Variants in FIBCD1 observed in about 807,000 individuals in gnomAD.
FIBCD1 encodes fibrinogen C domain containing 1.
A neutral mutation model predicts 45.1 loss-of-function variants in FIBCD1; 47 were observed. The observed-to-expected ratio is 1.04, with a 90% confidence interval of 0.82 to 1.33. The LOEUF (loss-of-function observed/expected upper bound fraction) is 1.33. Among genes scored for constraint, FIBCD1 ranks in the 40% most tolerant of loss-of-function variants. The pLI is 0.00. For synonymous variants in FIBCD1, 313 were observed against 308.1 expected, an observed-to-expected ratio of 1.02 and a Z score of -0.17; for missense variants, 653 against 682.2, an observed-to-expected ratio of 0.96 and a Z score of 0.48.
chr9:130,904,344 GT>G, intron 6 of FIBCD1, 21 bp from the exon 7 acceptor site: 2 of 1,584,704 alleles, frequency 1.3e-6, no homozygotes, highest in Non-Finnish European at 1.7e-6. Flanking sequence ...GTGCACACAG[GT>G]GTGGGCACGG....
At chr9:130,923,307 G>A (rs1198607460) in intron 4 of FIBCD1, among the ~76,000 whole-genome samples, 4 of 152,170 alleles carry the variant, frequency 2.6e-5, no homozygotes. Context: ...GGGGGTCTCT[G>A]CTCCTCCAGC....
At chr9:130,920,945 A>G (rs1008855605) in intron 4 of FIBCD1, among the ~76,000 whole-genome samples, 1 of 152,190 alleles carries the variant, frequency 6.6e-6, no homozygotes, top group Non-Finnish European at 1.5e-5. Context: ...GAACACAAGA[A>G]TGAGCGTGTG....
chr9:130,930,876 T>C, intron 1 of FIBCD1: 1 of 450,736 alleles, frequency 2.2e-6, no homozygotes, highest in Non-Finnish European at 4.5e-6. Context: ...GCAGCGATGC[T>C]ATAGATGGTC....
chr9:130,910,019 G>T (rs998628693), intron 5 of FIBCD1, among the ~76,000 whole-genome samples: 26 of 152,222 alleles, frequency 1.7e-4, no homozygotes, highest in African/African-American at 6.3e-4. Context: ...CCACTTTGGC[G>T]GCACTTGAGG....
intron 1 of FIBCD1, among the ~76,000 whole-genome samples, chr9:130,933,331 C>T (rs547197733): frequency 2.6e-5 from 4 of 152,186 alleles, no homozygotes; most frequent in African/African-American, 9.7e-5. Context: ...CTGATTCATC[C>T]GTCCTGGTGT....
At chr9:130,915,711 A>T (rs1832147233) in intron 4 of FIBCD1, among the ~76,000 whole-genome samples, 1 of 149,844 alleles carries the variant, frequency 6.7e-6, no homozygotes, top group Admixed American at 6.6e-5. Context: ...TCAAAAAAAT[A>T]AAAAAATAAA....
upstream of FIBCD1, chr9:130,939,294 C>A (rs893977813): frequency 4.5e-4 from 69 of 152,252 alleles, no homozygotes; most frequent in African/African-American, 1.6e-3. Context: ...CGCGGCGCTC[C>A]TTCCGGCTCC....
At chr9:130,920,027 T>G (rs1189556915) in intron 4 of FIBCD1, among the ~76,000 whole-genome samples, 3 of 143,292 alleles carry the variant, frequency 2.1e-5, no homozygotes, top group African/African-American at 7.8e-5. Context: ...GGGGCCCTCC[T>G]TCCGCCCACC....
intron 6 of FIBCD1, among the ~76,000 whole-genome samples, chr9:130,904,632 G>A (rs905453590): frequency 4.0e-5 from 6 of 150,008 alleles, no homozygotes; most frequent in South Asian, 4.3e-4. Context: ...CCCGCTCCTC[G>A]GCCTGAGAGG....
chr9:130,904,078 G>A lies in FIBCD1; in HGVS notation c.1372C>T (p.Arg458Trp), dbSNP rs377424705. Residue 458 changes from arginine (R) to tryptophan (W), a missense_variant, in exon 7 of 7, where the codon CGG becomes TGG. Arg to Trp is a moderately radical substitution (Grantham distance 101). Transcript: ENST00000372338. ...GGTGCACCAGTCTAGCGGTCCTCCC[G>A]GACCGGCCGGATCTTCATCTCAGAG... Reference protein sequence around the residue: ...KFSEMKIRPVREDR With the variant: ...KFSEMKIRPVWEDR The A allele has an allele frequency of 7.4e-5, 119 of 1,611,988 alleles. 1 individual carries two copies. The South Asian group carries it at 7.5e-4, about 10-fold the overall frequency.
intron 1 of FIBCD1, among the ~76,000 whole-genome samples, chr9:130,937,750 G>A (rs527775265): frequency 3.3e-5 from 5 of 152,250 alleles, no homozygotes; most frequent in Non-Finnish European, 7.4e-5. Flanking sequence ...GCTCCCCTCC[G>A]CCTTGGCTTC....
Position 130,926,700 on chromosome 9 carries a change from T to C in FIBCD1, c.553-2304A>G, listed in dbSNP as rs1832368267. On this transcript the variant is annotated intron_variant, in intron 2 of 6. Coordinates refer to ENST00000372338, the MANE Select transcript of FIBCD1 (RefSeq NM_032843.5). This position sits in a 1 kb window ranked among gnomAD's most constrained non-coding sequence, Gnocchi z 4.1. The stretch of plus-strand genomic sequence containing the variant: ...AGCCGGGCGTGGTGGCGGGCGCCTG[T>C]AGTCCCAGCTACTCAGGAGGCTGAG... Among the ~76,000 whole-genome samples the C allele has an allele frequency of 6.6e-6, 1 of 152,110 alleles. No individual in the cohort carries two copies. The highest frequency in any genetic ancestry group is 2.4e-5 in the African/African-American group (1 of 41,394).
chr9:130,931,325 A>C (rs1832445607), intron 1 of FIBCD1, among the ~76,000 whole-genome samples: 2 of 152,064 alleles, frequency 1.3e-5, no homozygotes, highest in African/African-American at 4.8e-5. Context: ...CTGGCCAACA[A>C]GGTGAAACCC....
rs373613382 is a variant in FIBCD1 at position 130,912,388 on chromosome 9, C to T, written c.850-500G>A. On this transcript the variant is annotated intron_variant, in intron 4 of 6. Transcript: ENST00000372338. Reference sequence around the variant, plus strand: ...GCCACTGTACTCCAGCCTGGGCTCTCTCTCAAAAAAAAAAAAAAAAAAAAA... The same window carrying T: ...GCCACTGTACTCCAGCCTGGGCTCTTTCTCAAAAAAAAAAAAAAAAAAAAA... Among the ~76,000 whole-genome samples, 227 of 97,648 alleles carry T rather than the reference C, an allele frequency of 2.3e-3. 1 individual carries two copies. The highest frequency in any genetic ancestry group is 9.8e-3 in the African/African-American group (220 of 22,456). 64.1% of individuals were successfully genotyped at this position (97,648 alleles called of 152,430 possible).
chr9:130,907,587 C>G (rs1189991838), intron 5 of FIBCD1, among the ~76,000 whole-genome samples: 2 of 152,158 alleles, frequency 1.3e-5, no homozygotes, highest in Middle Eastern at 3.2e-3. Context: ...AAGCTGTCAA[C>G]CTAAAACAAC....
chr9:130,924,996 C>T (rs1443505122), intron 2 of FIBCD1, among the ~76,000 whole-genome samples: 2 of 152,176 alleles, frequency 1.3e-5, no homozygotes, highest in African/African-American at 4.8e-5. Context: ...TCTTCCGATC[C>T]CGAGCAAGGC....
chr9:130,906,699 T>C (rs1275630121), intron 5 of FIBCD1, among the ~76,000 whole-genome samples: 1 of 152,154 alleles, frequency 6.6e-6, no homozygotes, highest in Non-Finnish European at 1.5e-5. Flanking sequence ...GAGAGTGTCA[T>C]ACACAAAAGG....
At chr9:130,911,442 C>T (rs990287135) in intron 5 of FIBCD1, among the ~76,000 whole-genome samples, 4 of 152,212 alleles carry the variant, frequency 2.6e-5, no homozygotes, top group African/African-American at 7.2e-5. Context: ...CCTCCTCTGT[C>T]CTCCTGCTGC....
rs139592164 is a variant in FIBCD1, at chr9:130,931,559, C to T, written c.73-1513G>A. 6.3e-3 allele frequency among the ~76,000 whole-genome samples: 952 copies of T among 152,208 alleles called. 7 individuals are homozygous for T. Among genetic ancestry groups the T allele is most frequent in the African/African-American group, 0.02 (851 of 41,538 alleles). ...AACAAAAACGGAAACGAAGGGCAGG[C>T]GCGATAAAAAACTGTGTTGGCCAGA... On this transcript the variant is annotated intron_variant, in intron 1 of 6. Transcript: ENST00000372338.
Sources: allele counts gnomAD v4.1 joint callset (sites outside exome capture counted in the v4.1 genomes callset), GRCh38; gene constraint gnomAD v4.1.1; non-coding constraint Gnocchi (gnomAD v3.1); transcripts MANE v1.5; gene names NCBI Gene and HGNC (gene_info 2026-07-23, HGNC 2026-07-21).